Variants in MYO5C observed in about 807,000 individuals in gnomAD.
The protein encoded by MYO5C is unconventional myosin-Vc.
A neutral mutation model predicts 235.7 loss-of-function variants in MYO5C; 194 were observed. The ratio of observed to expected loss-of-function variants is 0.82; its 90% CI spans 0.73 to 0.93. The LOEUF (loss-of-function observed/expected upper bound fraction) is 0.93. MYO5C is among the 40% of genes least tolerant of loss of function. The pLI, the probability that MYO5C is intolerant of heterozygous loss-of-function variation, is 0.00. For missense variants in MYO5C, 2,038 were observed against 2,127.2 expected, an observed-to-expected ratio of 0.96 and a Z score of 0.82; for synonymous variants, 707 against 754.8, an observed-to-expected ratio of 0.94 and a Z score of 1.04.
At chr15:52,206,523 T>C (rs957625712) in intron 36 of MYO5C, among the ~76,000 whole-genome samples, 4 of 152,096 alleles carry the variant, frequency 2.6e-5, no homozygotes, top group African/African-American at 7.2e-5. Context: ...AATAATAAGA[T>C]TGATGTCCTT....
At position 52,196,362 on chromosome 15, in the gene MYO5C, C is replaced by T; in HGVS notation, c.4942G>A (p.Asp1648Asn). 1.2e-6 allele frequency: 2 copies of T among 1,614,140 alleles called. No individual in the cohort carries two copies. Among genetic ancestry groups the T allele is most frequent in the Non-Finnish European group, 1.7e-6 (2 of 1,180,024 alleles). The change falls in exon 39 of 41, where the codon GAC (aspartate) becomes AAC (asparagine). Residue 1648 changes from aspartate to asparagine, a missense_variant. By Grantham distance (23) the Asp-to-Asn change is conservative. Coordinates refer to ENST00000261839, the MANE Select transcript of MYO5C (RefSeq NM_018728.4). The stretch of plus-strand genomic sequence containing the variant: ...TCGTAGATCTCCTTGGCATCACTGT[C>T]TGTGGTCTTCTTGACCTGAAGCAAC... The part of the protein sequence containing the change: ...AWLLQVKKTT[D>N]SDAKEIYERC...
intron 12 of MYO5C, among the ~76,000 whole-genome samples, chr15:52,252,258 C>T (rs2036487359): frequency 6.6e-6 from 1 of 152,136 alleles, no homozygotes; most frequent in South Asian, 2.1e-4. Context: ...GGTTCCATTA[C>T]ACGAACATGA....
At chr15:52,278,771 T>G (rs1293780679) in intron 4 of MYO5C, 102 bp downstream of exon 4, 1 of 1,448,698 alleles carries the variant, frequency 6.9e-7, no homozygotes, top group East Asian at 2.3e-5. Context: ...GCCTATCTCT[T>G]TTAATGAGCC....
intron 1 of MYO5C, among the ~76,000 whole-genome samples, chr15:52,289,145 T>A (rs1005972735): frequency 6.6e-6 from 1 of 151,912 alleles, no homozygotes; most frequent in Non-Finnish European, 1.5e-5. Flanking sequence ...CTCCTCTTCA[T>A]TCGCTCCTCA....
At chr15:52,213,372 G>A in intron 33 of MYO5C, 86 bp from the exon 34 acceptor site, 1 of 904,904 alleles carries the variant, frequency 1.1e-6, no homozygotes, top group Non-Finnish European at 1.8e-6. Context: ...ACCCCATTCT[G>A]GCTGGTTTGC....
Position 52,244,361 on chromosome 15 carries a change from A to G in MYO5C, c.2385T>C (p.Thr795=), listed in dbSNP as rs376579626. ...GTTCCTTGATTCCAACATACCTCACAGTTTGCTGACCCCGGAAGTACTGCT... is the reference window on the plus strand; with the variant it reads ...GTTCCTTGATTCCAACATACCTCACGGTTTGCTGACCCCGGAAGTACTGCT... ...IIQQYFRGQQ[T]VRKAITAVAL... The change falls in exon 19 of 41, where the codon ACT becomes ACC. Residue 795 remains threonine (T), a synonymous_variant. Coordinates refer to ENST00000261839, the MANE Select transcript of MYO5C (RefSeq NM_018728.4). The G allele has an allele frequency of 1.0e-4, 163 of 1,612,188 alleles. No individual in the cohort carries two copies. Among genetic ancestry groups the G allele is most frequent in the Middle Eastern group, 9.2e-4 (5 of 5,444 alleles).
intron 27 of MYO5C, 36 bp downstream of exon 27, chr15:52,225,039 A>G (rs1157646567): frequency 1.2e-6 from 2 of 1,613,566 alleles, no homozygotes; most frequent in East Asian, 4.5e-5. Context: ...ACATGTTTAC[A>G]TGTCTTAAAA....
chr15:52,272,479 C>T, intron 6 of MYO5C, 101 bp downstream of exon 6: 10 of 1,180,770 alleles, frequency 8.5e-6, no homozygotes, highest in Non-Finnish European at 1.2e-5. Context: ...AAACCCTACT[C>T]TTCAACTCAC....
Position 52,264,312 on chromosome 15 carries a change from T to C in MYO5C, c.941-16A>G, listed in dbSNP as rs1452624724. On this transcript the variant is annotated splice_polypyrimidine_tract_variant and intron_variant, in intron 8 of 40. Transcript: ENST00000261839. Reference sequence around the variant, plus strand: ...TCCTTGAAACCTAAAAACAAACATTTTCCCAGATTAGAATACTGCATCTCT... The same window carrying C: ...TCCTTGAAACCTAAAAACAAACATTCTCCCAGATTAGAATACTGCATCTCT... 1 of 1,592,102 alleles carries C rather than the reference T, an allele frequency of 6.3e-7. No individual in the cohort carries two copies. The highest frequency in any genetic ancestry group is 1.3e-5 in the African/African-American group (1 of 74,514).
chr15:52,235,225 A>G (rs1436231030), intron 23 of MYO5C, among the ~76,000 whole-genome samples: 1 of 152,196 alleles, frequency 6.6e-6, no homozygotes. Context: ...TTTTCTGCAA[A>G]TCTTTGGTGA....
chr15:52,242,243 G>T (rs2036242138), intron 19 of MYO5C, 30 bp from the exon 20 acceptor site: 16 of 1,590,244 alleles, frequency 1.0e-5, no homozygotes, highest in Non-Finnish European at 1.4e-5. Context: ...GAGTGAGTCT[G>T]TTACCCACAG....
At chr15:52,256,605 G>A (rs371203155) in intron 11 of MYO5C, 34 bp downstream of exon 11, 210 of 1,565,482 alleles carry the variant, frequency 1.3e-4, no homozygotes, top group Non-Finnish European at 1.6e-4. Flanking sequence ...GCGCGCGGCT[G>A]AGAACTAGTC....
chr15:52,239,874 C>T lies in MYO5C; in HGVS notation c.2562G>A (p.Leu854=). 6.2e-7 allele frequency: 1 copy of T among 1,605,376 alleles called. No homozygotes were observed. The highest frequency in any genetic ancestry group is 8.5e-7 in the Non-Finnish European group (1 of 1,175,786). ...GTAGGATCACAGCCTTATGTTCCTC[C>T]AGCATCTTTAAAACAAGATTTTGTG... The part of the protein sequence containing the change: ...FLARRRYRKM[L]EEHKAVILQK... Residue 854 remains leucine (L), a synonymous_variant, in exon 21 of 41, where the codon CTG becomes CTA. Coordinates refer to ENST00000261839, the MANE Select transcript of MYO5C (RefSeq NM_018728.4).
intron 1 of MYO5C, among the ~76,000 whole-genome samples, chr15:52,289,415 G>A (rs546587018): frequency 6.6e-6 from 1 of 151,988 alleles, no homozygotes; most frequent in Non-Finnish European, 1.5e-5. Context: ...AAACTCCAGT[G>A]ATGCCGACGC....
chr15:52,235,798 G>A (rs750231740), intron 22 of MYO5C, 35 bp from the exon 23 acceptor site: 1 of 1,439,746 alleles, frequency 6.9e-7, no homozygotes, highest in East Asian at 2.3e-5. Context: ...AAACTTTTTT[G>A]AAAACCTCAC....
chr15:52,217,621 G>A (rs943345733), intron 32 of MYO5C, among the ~76,000 whole-genome samples: 1 of 152,212 alleles, frequency 6.6e-6, no homozygotes, highest in African/African-American at 2.4e-5. Context: ...TGTCATGTAG[G>A]TGTCACTGAT....
intron 1 of MYO5C, among the ~76,000 whole-genome samples, chr15:52,284,362 C>A (rs1052777326): frequency 1.3e-5 from 2 of 152,132 alleles, no homozygotes; most frequent in Non-Finnish European, 2.9e-5. Context: ...CTATGTGAGT[C>A]CCTTCAAATC....
At position 52,260,890 on chromosome 15, in the gene MYO5C, T is replaced by C; in HGVS notation, c.1285A>G (p.Thr429Ala). Residue 429 changes from threonine (T) to alanine (A), a missense_variant, in exon 10 of 41, where the codon ACT becomes GCT. Physicochemically the swap from Thr to Ala is moderately conservative, Grantham distance 58. Transcript: ENST00000261839. ...TAAATGTCCAAAACACCAATAAAAGTGTGCTGCTTGCCTGAAAACTGCAAC... is the reference window on the plus strand; with the variant it reads ...TAAATGTCCAAAACACCAATAAAAGCGTGCTGCTTGCCTGAAAACTGCAAC... ...QALQFSGKQH[T>A]FIGVLDIYGF... The C allele has an allele frequency of 1.2e-6, 2 of 1,614,160 alleles. No homozygotes were observed. The highest frequency in any genetic ancestry group is 1.7e-6 in the Non-Finnish European group (2 of 1,180,028).
chr15:52,207,805 GA>G (rs1426216000), intron 36 of MYO5C, among the ~76,000 whole-genome samples: 1 of 152,028 alleles, frequency 6.6e-6, no homozygotes, highest in Non-Finnish European at 1.5e-5. Context: ...CCAACCCTAA[GA>G]AAAAGAAAGG....
Sources: gnomAD v4.1 joint callset for allele counts (sites outside exome capture counted in the v4.1 genomes callset) on GRCh38, gnomAD v4.1.1 for gene constraint, MANE v1.5 for transcripts, NCBI Gene and HGNC (gene_info 2026-07-23, HGNC 2026-07-21) for gene names.